Variants in CCDC88C observed in about 807,000 individuals in gnomAD.
The protein encoded by CCDC88C is protein Daple.
A neutral mutation model predicts 198.8 loss-of-function variants in CCDC88C; 131 were observed. That is an observed-to-expected ratio of 0.66 (90% CI 0.57 to 0.76). The LOEUF is 0.76. Among genes scored for constraint, CCDC88C ranks in the 30% least tolerant of loss-of-function variants. The pLI is 0.00. For synonymous variants in CCDC88C, 1,166 were observed against 1,114.7 expected (o/e 1.05, Z -0.92); for missense variants, 2,553 against 2,631.6 (o/e 0.97, Z 0.65).
chr14:91,310,599 T>TG (rs752530735), intron 15 of CCDC88C, among the ~76,000 whole-genome samples: 6 of 152,224 alleles, frequency 3.9e-5, no homozygotes, highest in Admixed American at 6.5e-5. Context: ...TTTGTAGAGA[T>TG]GGGGTCTTGC....
Position 91,273,733 on chromosome 14 carries a change from C to T in CCDC88C, c.5059-80G>A. 1 of 1,261,748 alleles carries T rather than the reference C, an allele frequency of 7.9e-7. No homozygotes were observed. Among genetic ancestry groups the T allele is most frequent in the African/African-American group, 1.5e-5 (1 of 65,148 alleles). 78.2% of individuals were successfully genotyped at this position (1,261,748 alleles called of 1,614,324 possible). Reference sequence around the variant, plus strand: ...GGAGCCGCCTCCTGCGCGGGACGCCCCCGAGCAGCCCACGTGGCTGGGACC... The same window carrying T: ...GGAGCCGCCTCCTGCGCGGGACGCCTCCGAGCAGCCCACGTGGCTGGGACC... On this transcript the variant is annotated intron_variant, in intron 29 of 29. Coordinates refer to ENST00000389857, the MANE Select transcript of CCDC88C (RefSeq NM_001080414.4). The surrounding 1 kb of genome is among the most constrained non-coding windows in gnomAD (Gnocchi z 5.6).
chr14:91,351,461 C>T (rs760215503), intron 4 of CCDC88C, among the ~76,000 whole-genome samples: 33 of 152,142 alleles, frequency 2.2e-4, no homozygotes, highest in Non-Finnish European at 3.4e-4. Context: ...TGGGGTACTT[C>T]CTAGGCACTG....
At position 91,417,663 on chromosome 14, in the gene CCDC88C, C is replaced by T; in HGVS notation, c.28G>A (p.Glu10Lys). 2 of 1,586,280 alleles carry T rather than the reference C, an allele frequency of 1.3e-6. No homozygotes were observed. Among genetic ancestry groups the T allele is most frequent in the Middle Eastern group, 1.7e-4 (1 of 5,784 alleles). Residue 10 changes from glutamate to lysine, a missense_variant, in exon 1 of 30, where the codon GAG (glutamate) becomes AAG (lysine). Transcript: ENST00000389857. MDVTVSELL[E>K]LFLQSPLVTW... ...ACCAGCGGGCTCTGCAGGAAGAGCT[C>T]CAGGAGCTCCGAGACTGTCACGTCC...
At position 91,339,207 on chromosome 14, in the gene CCDC88C, TG is replaced by T; in HGVS notation, c.809+70del. 6.4e-7 allele frequency: 1 copy of T among 1,553,794 alleles called. No individual in the cohort carries two copies. ...GCTGTGCCATTGGCAGCACCACACA[TG>T]TGAGTCGACACCACACCAGAAACAT... On this transcript the variant is annotated intron_variant, in intron 8 of 29. Transcript: ENST00000389857. This position sits in a 1 kb window ranked among gnomAD's most constrained non-coding sequence, Gnocchi z 5.8.
chr14:91,408,344 C>A (rs1310196337), intron 3 of CCDC88C: 2 of 293,490 alleles, frequency 6.8e-6, no homozygotes, highest in Non-Finnish European at 1.3e-5. Flanking sequence ...TTCAGGAAGC[C>A]CATTCCAGCC....
In CCDC88C at chr14:91,362,931, GA is replaced by G. The variant is rs201994753; in HGVS notation, c.271-3221del. On this transcript the variant is annotated intron_variant, in intron 3 of 29. Transcript: ENST00000389857. ...GTGACAGAGCGAGACTCCATCTCAG[GA>G]AAAAAAAAAAAAAAGAAATCATGTT... 9.8e-3 allele frequency among the ~76,000 whole-genome samples: 1,210 copies of G among 123,604 alleles called. 16 individuals carry two copies. The highest frequency in any genetic ancestry group is 0.046 in the Admixed American group (556 of 12,076). 81.1% of individuals were successfully genotyped at this position (123,604 alleles called of 152,430 possible). A position where few individuals can be genotyped will look rare whatever the true frequency, so the allele number is the denominator to read the frequency against.
In CCDC88C at chr14:91,299,929, G is replaced by A. The variant is rs938205246; in HGVS notation, c.3777C>T (p.Asp1259=). 3.2e-6 allele frequency: 5 copies of A among 1,585,820 alleles called. No individual in the cohort carries two copies. The highest frequency in any genetic ancestry group is 3.5e-5 in the Admixed American group (2 of 57,020). Residue 1259 remains aspartate (D), a splice_region_variant and synonymous_variant, in exon 21 of 30, where the codon GAC becomes GAT. Coordinates refer to ENST00000389857, the MANE Select transcript of CCDC88C (RefSeq NM_001080414.4). ...GENQRLRGEL[D]RVNFLHHQLK... ...CAGGGCCGGGCGCCGGCGCTCACCT[G>A]TCCAGCTCGCCCCGCAGCCTCTGGT...
rs1892056715 is a variant in CCDC88C, at chr14:91,315,570, T to G, written c.1665+80A>C. On this transcript the variant is annotated intron_variant, in intron 14 of 29. Coordinates refer to ENST00000389857, the MANE Select transcript of CCDC88C (RefSeq NM_001080414.4). ...GATAATCCATGCATCCACAATACAG[T>G]ACCAGGAATGGCTGTAATCCCGGCT... The G allele has an allele frequency of 3.3e-6, 5 of 1,497,080 alleles. No homozygotes were observed. In the Admixed American group the frequency reaches 8.7e-5, roughly 26 times the overall value. 92.7% of individuals were successfully genotyped at this position (1,497,080 alleles called of 1,614,324 possible). A position where few individuals can be genotyped will look rare whatever the true frequency, so the allele number is the denominator to read the frequency against.
chr14:91,388,571 C>G (rs1203539165), intron 3 of CCDC88C, among the ~76,000 whole-genome samples: 3 of 152,214 alleles, frequency 2.0e-5, no homozygotes, highest in African/African-American at 7.2e-5. Context: ...ACCGCGTCTG[C>G]TGCCCAGAGC....
intron 3 of CCDC88C, among the ~76,000 whole-genome samples, chr14:91,398,975 C>T (rs1255081580): frequency 6.6e-6 from 1 of 152,260 alleles, no homozygotes. Flanking sequence ...TCCTGGGCCT[C>T]GGGCAGCCCT....
intron 4 of CCDC88C, among the ~76,000 whole-genome samples, chr14:91,357,787 C>G (rs1894107393): frequency 6.6e-6 from 1 of 152,190 alleles, no homozygotes; most frequent in Admixed American, 6.5e-5. Flanking sequence ...GAGCCCAGGG[C>G]TGTGGCCAGC....
intron 20 of CCDC88C, 83 bp from the exon 21 acceptor site, chr14:91,300,153 C>T (rs1891207715): frequency 1.3e-6 from 2 of 1,521,798 alleles, no homozygotes; most frequent in Non-Finnish European, 1.8e-6. Flanking sequence ...GATCTGCGTG[C>T]CTCCCGTGAG....
At chr14:91,343,817 A>G (rs563757008) in intron 4 of CCDC88C, among the ~76,000 whole-genome samples, 160 bp from the exon 5 acceptor site, 9 of 152,092 alleles carry the variant, frequency 5.9e-5, no homozygotes, top group Admixed American at 5.9e-4. Flanking sequence ...GTGTGGCTTT[A>G]TTTACTTTTT....
Position 91,315,701 on chromosome 14 carries a change from C to G in CCDC88C, c.1614G>C (p.Lys538Asn). Reference protein sequence around the residue: ...ETLSEELIREKEQLQSDMETL... With the variant: ...ETLSEELIRENEQLQSDMETL... Reference sequence around the variant, plus strand: ...TCTCCATGTCACTCTGCAGCTGCTCCTTCTCTCTGATCAGCTCCTCACTGA... The same window carrying G: ...TCTCCATGTCACTCTGCAGCTGCTCGTTCTCTCTGATCAGCTCCTCACTGA... Residue 538 changes from lysine to asparagine, a missense_variant, in exon 14 of 30, where the codon AAG becomes AAC. Around this residue, in one of 2 missense-constraint regions of CCDC88C, gnomAD observed 1,260 missense variants for 1,412.0 expected, o/e 0.89. Coordinates refer to ENST00000389857, the MANE Select transcript of CCDC88C (RefSeq NM_001080414.4). 1 of 1,613,870 alleles carries G rather than the reference C, an allele frequency of 6.2e-7. No individual in the cohort carries two copies. Among genetic ancestry groups the G allele is most frequent in the Non-Finnish European group, 8.5e-7 (1 of 1,179,846 alleles).
chr14:91,295,729 G>A (rs959182030), intron 22 of CCDC88C, among the ~76,000 whole-genome samples: 1 of 152,134 alleles, frequency 6.6e-6, no homozygotes, highest in African/African-American at 2.4e-5. Flanking sequence ...TCATCACTTC[G>A]CTTATGCTGC....
At chr14:91,299,832 C>A in intron 21 of CCDC88C, 95 bp downstream of exon 21, 2 of 1,401,188 alleles carry the variant, frequency 1.4e-6, no homozygotes, top group Non-Finnish European at 1.9e-6. Context: ...TCCACGATCG[C>A]CAGGGGACTT....
chr14:91,291,327 G>A (rs936894843), intron 23 of CCDC88C, among the ~76,000 whole-genome samples: 2 of 152,190 alleles, frequency 1.3e-5, no homozygotes, highest in African/African-American at 2.4e-5. Context: ...AGCTGTGAGC[G>A]AGCTCAAGGC....
chr14:91,294,704 G>C (rs777845922), intron 22 of CCDC88C, among the ~76,000 whole-genome samples: 2 of 152,208 alleles, frequency 1.3e-5, no homozygotes, highest in African/African-American at 4.8e-5. Context: ...GCCCAGGCTG[G>C]AGTGGAGTGG....
intron 29 of CCDC88C, among the ~76,000 whole-genome samples, chr14:91,277,046 T>C (rs886751170): frequency 6.6e-6 from 1 of 152,250 alleles, no homozygotes; most frequent in Non-Finnish European, 1.5e-5. Context: ...GTCAGCTTAC[T>C]GCAACCTCCG....
Sources: gnomAD v4.1 joint callset for allele counts (sites outside exome capture counted in the v4.1 genomes callset) on GRCh38, gnomAD v4.1.1 for gene constraint, gnomAD v4.1.1 regional missense constraint, Gnocchi (gnomAD v3.1) non-coding constraint, MANE v1.5 for transcripts, NCBI Gene and HGNC (gene_info 2026-07-23, HGNC 2026-07-21) for gene names.